The following CFAP54 variants were observed in gnomAD, a reference collection of about 807,000 sequenced individuals.
CFAP54 encodes cilia and flagella associated protein 54, also known as cilia- and flagella-associated protein 54.
Under a neutral mutation model 370.4 loss-of-function variants are expected in CFAP54, and 290 were observed. The ratio of observed to expected loss-of-function variants is 0.78; its 90% CI spans 0.71 to 0.86. The LOEUF (loss-of-function observed/expected upper bound fraction) is 0.86, where lower values mean the gene tolerates loss of function less well. CFAP54 is among the 40% of genes least tolerant of loss of function. The pLI is 0.00. For synonymous variants in CFAP54, 1,206 were observed against 1,236.5 expected (o/e 0.98, Z 0.52); for missense variants, 3,399 against 3,528.7 (o/e 0.96, Z 0.93).
At chr12:96,534,634 C>T (rs907998314) in intron 11 of CFAP54, among the ~76,000 whole-genome samples, 2 of 152,132 alleles carry the variant, frequency 1.3e-5, no homozygotes, top group Non-Finnish European at 2.9e-5. Context: ...TTCCAGCTTG[C>T]AGTGTTTGCC....
At chr12:96,829,411 T>C (rs2136758619) in intron 66 of CFAP54, among the ~76,000 whole-genome samples, 1 of 152,282 alleles carries the variant, frequency 6.6e-6, no homozygotes, top group Admixed American at 6.5e-5. Flanking sequence ...TTAGAATTTT[T>C]ATACCAATGG....
chr12:96,533,326 A>G (rs1382113281), intron 9 of CFAP54, among the ~76,000 whole-genome samples: 2 of 151,952 alleles, frequency 1.3e-5, no homozygotes, highest in Non-Finnish European at 2.9e-5. Flanking sequence ...CTTTCTTTCT[A>G]AACACTCACC....
chr12:96,630,020 A>G, intron 30 of CFAP54, 73 bp from the exon 31 acceptor site: 1 of 621,620 alleles, frequency 1.6e-6, no homozygotes, highest in Non-Finnish European at 2.7e-6. Context: ...TGAAAACTTT[A>G]AAGACATATT....
intron 67 of CFAP54, among the ~76,000 whole-genome samples, chr12:96,862,929 C>T (rs1487503338): frequency 6.6e-6 from 1 of 152,174 alleles, no homozygotes. Flanking sequence ...AAAGTACCTA[C>T]ACATTTAATA....
At chr12:96,499,908 T>G (rs529782288) in intron 1 of CFAP54, among the ~76,000 whole-genome samples, 1 of 147,312 alleles carries the variant, frequency 6.8e-6, no homozygotes, top group East Asian at 1.9e-4. Context: ...ATCGTGCCAC[T>G]GCACTCCAGC....
At chr12:96,712,749 C>A (rs1957628456) in intron 48 of CFAP54, among the ~76,000 whole-genome samples, 1 of 152,132 alleles carries the variant, frequency 6.6e-6, no homozygotes, top group South Asian at 2.1e-4. Flanking sequence ...TTTCTTAGCT[C>A]TCACATATGA....
rs116933419 is a variant in CFAP54, at chr12:96,863,340, C to T, written c.*14+2388C>T. ...CCTGACAGGCACATATTTGTAAGTG[C>T]TTCAGTGCATTTTCTCCCTCCTGTC... On this transcript the variant is annotated intron_variant, in intron 67 of 67. Coordinates refer to ENST00000524981, the MANE Select transcript of CFAP54 (RefSeq NM_001306084.2). Among the ~76,000 whole-genome samples the T allele has an allele frequency of 2.2e-4, 34 of 152,286 alleles. 2 individuals carry two copies. In the East Asian group the frequency reaches 6.5e-3, roughly 29 times the overall value.
intron 1 of CFAP54, among the ~76,000 whole-genome samples, chr12:96,491,935 T>G (rs572970123): frequency 6.6e-6 from 1 of 152,158 alleles, no homozygotes; most frequent in African/African-American, 2.4e-5. Context: ...AATTTTTGTA[T>G]TTTTAGTAGA....
intron 12 of CFAP54, 44 bp downstream of exon 12, chr12:96,535,644 G>A: frequency 7.5e-7 from 1 of 1,325,626 alleles, no homozygotes; most frequent in Non-Finnish European, 1.0e-6. Flanking sequence ...GTGGAAGGAG[G>A]TTTTTGTGCC....
At chr12:96,714,903 G>A (rs561235671) in intron 48 of CFAP54, among the ~76,000 whole-genome samples, 9 of 152,302 alleles carry the variant, frequency 5.9e-5, no homozygotes, top group African/African-American at 1.9e-4. Context: ...ATACCCTTAA[G>A]TAGGCAAGAT....
rs1345740751 is a variant in CFAP54, at chr12:96,547,947, A to G, written c.2123A>G (p.Lys708Arg). 10 of 1,495,634 alleles carry G rather than the reference A, an allele frequency of 6.7e-6. No homozygotes were observed. Among genetic ancestry groups the G allele is most frequent in the Non-Finnish European group, 8.9e-6 (10 of 1,122,210 alleles). The allele number at this position is 1,495,634 out of a possible 1,614,324, so 92.6% of individuals were successfully genotyped here. Residue 708 changes from lysine (K) to arginine (R), a missense_variant, in exon 15 of 68, where the codon AAA becomes AGA. By Grantham distance (26) the Lys-to-Arg change is conservative. This residue lies in a region of CFAP54 where 2,796 missense variants were observed against 2,869.7 expected (regional missense o/e 0.97). Transcript: ENST00000524981. ...EGTNKFPGAPKGITEILPILQ... is the reference protein window; with the variant it reads ...EGTNKFPGAPRGITEILPILQ... Reference sequence around the variant, plus strand: ...ACTAACAAATTCCCTGGAGCTCCAAAAGGGATCACAGAAATTCTTCCAATA... The same window carrying G: ...ACTAACAAATTCCCTGGAGCTCCAAGAGGGATCACAGAAATTCTTCCAATA...
At chr12:96,733,985 A>G (rs1957952850) in intron 50 of CFAP54, among the ~76,000 whole-genome samples, 1 of 152,160 alleles carries the variant, frequency 6.6e-6, no homozygotes, top group East Asian at 1.9e-4. Flanking sequence ...AAATGTGTGT[A>G]GCTTTGAGGG....
At chr12:96,856,107 G>C (rs908269250) in intron 66 of CFAP54, among the ~76,000 whole-genome samples, 2 of 152,096 alleles carry the variant, frequency 1.3e-5, no homozygotes, top group African/African-American at 4.8e-5. Flanking sequence ...CTGTACCGTG[G>C]CCCCTTTTAG....
chr12:96,845,376 C>T lies in CFAP54; in HGVS notation c.9172-15443C>T, dbSNP rs150691479. On this transcript the variant is annotated intron_variant, in intron 66 of 67. Transcript: ENST00000524981. ...TCCTGCATTGAGCCACCCAAACCTC[C>T]CCTTCAGGATTGAAAACTTCGTTTT... 1.6e-3 allele frequency among the ~76,000 whole-genome samples: 246 copies of T among 152,332 alleles called. 8 individuals carry two copies. The East Asian group carries it at 0.044, about 27-fold the overall frequency.
chr12:96,776,481 TAA>T (rs1457858432), intron 60 of CFAP54, among the ~76,000 whole-genome samples: 8 of 152,320 alleles, frequency 5.3e-5, no homozygotes, highest in Admixed American at 2.0e-4. Flanking sequence ...TCTGACCCAA[TAA>T]AAGATAGTTG....
intron 8 of CFAP54, among the ~76,000 whole-genome samples, chr12:96,524,480 A>G (rs4762305): frequency 0.97 from 148,193 of 152,312 alleles, 72,106 homozygotes; most frequent in East Asian, 1. Context: ...CAACAACCAT[A>G]TATTGAGTAT....
intron 39 of CFAP54, among the ~76,000 whole-genome samples, chr12:96,669,326 TC>T (rs1409512862): frequency 6.6e-6 from 1 of 152,228 alleles, no homozygotes; most frequent in Non-Finnish European, 1.5e-5. Flanking sequence ...ACATTGGCAT[TC>T]TTTTCACTTG....
At chr12:96,651,270 C>T (rs1209531262) in intron 35 of CFAP54, among the ~76,000 whole-genome samples, 1 of 152,164 alleles carries the variant, frequency 6.6e-6, no homozygotes, top group Non-Finnish European at 1.5e-5. Flanking sequence ...AGCATGAGGG[C>T]AGACCCAGTT....
intron 60 of CFAP54, among the ~76,000 whole-genome samples, chr12:96,780,094 G>A (rs1029414094): frequency 6.6e-6 from 1 of 151,934 alleles, no homozygotes; most frequent in African/African-American, 2.4e-5. Context: ...TGACCCTTTG[G>A]TAGATTATTT....
Sources: gnomAD v4.1 joint callset for allele counts (sites outside exome capture counted in the v4.1 genomes callset) on GRCh38, gnomAD v4.1.1 for gene constraint, gnomAD v4.1.1 regional missense constraint, MANE v1.5 for transcripts, NCBI Gene and HGNC (gene_info 2026-07-23, HGNC 2026-07-21) for gene names.